Variants in ALG1L2 observed in about 807,000 individuals in gnomAD.
ALG1L2 encodes the protein putative glycosyltransferase ALG1L2.
In ALG1L2, 32 loss-of-function variants were observed where a neutral mutation model predicts 29.0. The observed-to-expected ratio is 1.10, with a 90% CI of 0.83 to 1.48. ALG1L2 has a LOEUF of 1.48. ALG1L2 is among the 40% of genes most tolerant of loss of function. The probability of loss-of-function intolerance (pLI) is 0.00; values close to 1 mark genes in which losing one functional copy is unlikely to be tolerated. For synonymous variants in ALG1L2, 110 were observed against 109.5 expected (o/e 1.00, Z -0.03); for missense variants, 318 against 274.1 (o/e 1.16, Z -1.13).
intron 3 of ALG1L2, among the ~76,000 whole-genome samples, chr3:130,092,489 A>T (rs773293418): frequency 1.2e-4 from 19 of 152,188 alleles, no homozygotes; most frequent in Non-Finnish European, 2.2e-4. Context: ...CGTCGGGGCC[A>T]CTGAGCTGTG....
chr3:130,091,955 G>C (rs1026780082), intron 2 of ALG1L2, 146 bp from the exon 3 acceptor site: 4 of 1,332,918 alleles, frequency 3.0e-6, no homozygotes, highest in African/African-American at 1.5e-5. Flanking sequence ...CCCAGGCCTC[G>C]ATTGGCAGGG....
chr3:130,084,936 A>G (rs1934859641), intron 1 of ALG1L2, among the ~76,000 whole-genome samples: 1 of 119,092 alleles, frequency 8.4e-6, no homozygotes, highest in African/African-American at 2.8e-5. Flanking sequence ...ATATATATAG[A>G]GATATATATA....
chr3:130,084,922 G>GTATA (rs1444925129), intron 1 of ALG1L2, among the ~76,000 whole-genome samples: 1 of 127,682 alleles, frequency 7.8e-6, no homozygotes, highest in South Asian at 2.5e-4. Context: ...TAGTGTGTGT[G>GTATA]TGTATATATA....
At chr3:130,091,605 A>T (rs1442734246) in intron 2 of ALG1L2, among the ~76,000 whole-genome samples, 1 of 152,194 alleles carries the variant, frequency 6.6e-6, no homozygotes, top group East Asian at 1.9e-4. Context: ...GCAACAGAGA[A>T]CCTGTGGCCC....
intron 1 of ALG1L2, among the ~76,000 whole-genome samples, chr3:130,082,318 T>G (rs1469069914): frequency 5.4e-5 from 1 of 18,630 alleles, no homozygotes; most frequent in Non-Finnish European, 1.3e-4. Flanking sequence ...GTCTTAAAAT[T>G]CCTCCTCATT....
At chr3:130,086,563 G>A (rs1380383322) in intron 1 of ALG1L2, among the ~76,000 whole-genome samples, 2 of 147,162 alleles carry the variant, frequency 1.4e-5, no homozygotes, top group Admixed American at 1.3e-4. Context: ...TGTAGTCCCA[G>A]CTACTCAGGA....
At chr3:130,095,634 G>T (rs556112893) in intron 5 of ALG1L2, among the ~76,000 whole-genome samples, 19 of 151,038 alleles carry the variant, frequency 1.3e-4, no homozygotes, top group Non-Finnish European at 2.4e-4. Flanking sequence ...TAGAGATGGG[G>T]TTTCACCATG....
At position 130,091,247 on chromosome 3, in the gene ALG1L2, T is replaced by G. The variant is rs1009461254; in HGVS notation, c.21-14T>G. The G allele has an allele frequency of 6.3e-6, 10 of 1,597,196 alleles. No homozygotes were observed. The Admixed American group carries it at 6.7e-5, about 11-fold the overall frequency. On this transcript the variant is annotated splice_polypyrimidine_tract_variant and intron_variant, in intron 1 of 7. Coordinates refer to ENST00000425059, the MANE Select transcript of ALG1L2 (RefSeq NM_001136152.1). Reference sequence around the variant, plus strand: ...CTGGACTAATGCAATAGCCCTGCCATGATTTCATTGCAGGGCTGTGACCGT... The same window carrying G: ...CTGGACTAATGCAATAGCCCTGCCAGGATTTCATTGCAGGGCTGTGACCGT...
chr3:130,084,892 C>T (rs1461449138), intron 1 of ALG1L2, among the ~76,000 whole-genome samples: 1 of 130,046 alleles, frequency 7.7e-6, no homozygotes, highest in African/African-American at 2.6e-5. Context: ...TATATCTACA[C>T]ACAAAAATAC....
intron 4 of ALG1L2, among the ~76,000 whole-genome samples, chr3:130,093,720 G>C (rs537231453): frequency 6.6e-6 from 1 of 152,168 alleles, no homozygotes; most frequent in South Asian, 2.1e-4. Flanking sequence ...CACTGTGCCC[G>C]GCCATGTCAT....
chr3:130,096,387 A>C (rs1192333726), intron 6 of ALG1L2, among the ~76,000 whole-genome samples: 1 of 152,120 alleles, frequency 6.6e-6, no homozygotes, highest in Non-Finnish European at 1.5e-5. Context: ...TTGGTACAAA[A>C]GTAATCACGG....
intron 1 of ALG1L2, among the ~76,000 whole-genome samples, chr3:130,086,873 C>T (rs1272413843): frequency 6.6e-6 from 1 of 151,600 alleles, no homozygotes; most frequent in African/African-American, 2.4e-5. Flanking sequence ...TGGCTAACCC[C>T]AAACCCCTTC....
At chr3:130,097,292 G>A in intron 7 of ALG1L2, 42 bp downstream of exon 7, 2 of 1,598,344 alleles carry the variant, frequency 1.3e-6, no homozygotes, top group African/African-American at 1.3e-5. Context: ...CAGGGTTCTG[G>A]AGACTGGCAC....
At chr3:130,089,679 T>G (rs1934968118) in intron 1 of ALG1L2, among the ~76,000 whole-genome samples, 1 of 152,312 alleles carries the variant, frequency 6.6e-6, no homozygotes, top group Non-Finnish European at 1.5e-5. Flanking sequence ...ATATTTCTAT[T>G]GGACAGCTCT....
intron 6 of ALG1L2, 134 bp from the exon 7 acceptor site, chr3:130,097,041 C>A: frequency 1.4e-6 from 2 of 1,463,578 alleles, no homozygotes; most frequent in Non-Finnish European, 9.0e-7. Flanking sequence ...TAAGAACCAC[C>A]TCCCAGAAGC....
Position 130,092,380 on chromosome 3 carries a change from C to G in ALG1L2, c.253+158C>G, listed in dbSNP as rs553930395. 1.1e-4 allele frequency among the ~76,000 whole-genome samples: 17 copies of G among 151,976 alleles called. No individual in the cohort carries two copies. In the East Asian group the frequency reaches 3.1e-3, roughly 28 times the overall value. On this transcript the variant is annotated intron_variant, in intron 3 of 7. Coordinates refer to ENST00000425059, the MANE Select transcript of ALG1L2 (RefSeq NM_001136152.1). ...TGGAAGAGTGGTGTCTAGAAACAGG[C>G]CCCTGACATTCAATTCTTCTCATAG...
chr3:130,097,222 A>C lies in ALG1L2; in HGVS notation c.587A>C (p.Asp196Ala). Residue 196 changes from aspartate (D) to alanine (A), a missense_variant, in exon 7 of 8, where the codon GAC becomes GCC. By Grantham distance (126) the Asp-to-Ala change is moderately radical (BLOSUM62 -2). Coordinates refer to ENST00000425059, the MANE Select transcript of ALG1L2 (RefSeq NM_001136152.1). The stretch of plus-strand genomic sequence containing the variant: ...GAAGAAAACCGCCTGGTCTTTGAGG[A>C]CTCAGAGGAACTGGCAGCTCAGCTG... ...KHEENRLVFE[D>A]SEELAAQLQY... 1 of 1,611,138 alleles carries C rather than the reference A, an allele frequency of 6.2e-7. No homozygotes were observed. The highest frequency in any genetic ancestry group is 1.3e-5 in the African/African-American group (1 of 74,956).
chr3:130,091,327 G>T lies in ALG1L2; in HGVS notation c.87G>T (p.Arg29=). The change falls in exon 2 of 8, where the codon CGG becomes CGT. Residue 29 remains arginine (R), a synonymous_variant. Transcript: ENST00000425059. ...FKEAPLDLQH[R]LFMKLGSTHS... ...AGGCACCTCTGGACCTGCAGCACCG[G>T]CTCTTCATGAAGCTGGGCAGCACGC... 1 of 1,597,980 alleles carries T rather than the reference G, an allele frequency of 6.3e-7. No homozygotes were observed. The highest frequency in any genetic ancestry group is 8.5e-7 in the Non-Finnish European group (1 of 1,179,770).
chr3:130,083,235 G>A (rs1460546883), intron 1 of ALG1L2, among the ~76,000 whole-genome samples: 5 of 143,686 alleles, frequency 3.5e-5, no homozygotes, highest in Non-Finnish European at 6.3e-5. Context: ...CACAAGGTCA[G>A]GAGTTCGAGA....
Sources: allele counts gnomAD v4.1 joint callset (sites outside exome capture counted in the v4.1 genomes callset), GRCh38; gene constraint gnomAD v4.1.1; transcripts MANE v1.5; gene names NCBI Gene and HGNC (gene_info 2026-07-23, HGNC 2026-07-21).